Variants in MED12L observed in about 807,000 individuals in gnomAD.
MED12L encodes the protein mediator complex subunit 12L, also known as mediator of RNA polymerase II transcription subunit 12-like protein.
Under a neutral mutation model 281.3 loss-of-function variants are expected in MED12L, and 60 were observed. That is an observed-to-expected ratio of 0.21 (90% CI 0.17 to 0.26). The LOEUF (loss-of-function observed/expected upper bound fraction) is 0.26. Among genes scored for constraint, MED12L ranks in the 10% least tolerant of loss-of-function variants. The pLI, the probability that MED12L is intolerant of heterozygous loss-of-function variation, is 1.00. For missense variants in MED12L, 2,146 were observed against 2,680.9 expected, an observed-to-expected ratio of 0.80 and a Z score of 4.41; for synonymous variants, 974 against 987.2, an observed-to-expected ratio of 0.99 and a Z score of 0.25.
chr3:151,244,088 C>T lies in MED12L; in HGVS notation c.2250+50422C>T, dbSNP rs542638887. 1.8e-5 allele frequency among the ~76,000 whole-genome samples: 2 copies of T among 113,082 alleles called. 1 individual carries two copies. Among genetic ancestry groups the T allele is most frequent in the Admixed American group, 1.9e-4 (2 of 10,488 alleles). The allele number at this position is 113,082 out of a possible 152,430, so 74.2% of individuals were successfully genotyped here. A position where few individuals can be genotyped will look rare whatever the true frequency, so the allele number is the denominator to read the frequency against. On this transcript the variant is annotated intron_variant, in intron 16 of 44. Transcript: ENST00000687756. ...CTAACTCTCCCAAATATATATGCAC[C>T]CAATACAGGAGCACCAAGATTCATA... is the stretch of plus-strand genomic sequence containing the variant.
intron 16 of MED12L, chr3:151,213,687 T>G (rs1288266989): frequency 6.2e-7 from 1 of 1,614,210 alleles, no homozygotes; most frequent in Admixed American, 1.7e-5. Context: ...AGATTTTCTT[T>G]GTGATAGCAG....
At chr3:151,240,636 A>G (rs1733889068) in intron 16 of MED12L, among the ~76,000 whole-genome samples, 1 of 152,232 alleles carries the variant, frequency 6.6e-6, no homozygotes, top group African/African-American at 2.4e-5. Context: ...TTTATCTACC[A>G]TGCAAGATTG....
intron 21 of MED12L, among the ~76,000 whole-genome samples, chr3:151,360,823 GT>G (rs1012258696): frequency 6.6e-6 from 1 of 151,786 alleles, no homozygotes; most frequent in Non-Finnish European, 1.5e-5. Context: ...GTGATCATAG[GT>G]TTTTTTTCCC....
chr3:151,193,350 T>G, intron 15 of MED12L, 140 bp from the exon 16 acceptor site: 1 of 610,116 alleles, frequency 1.6e-6, no homozygotes, highest in East Asian at 2.8e-5. Flanking sequence ...ATTAACACAA[T>G]TTCTTCATAT....
At chr3:151,415,153 C>T (rs563406124) in intron 42 of MED12L, among the ~76,000 whole-genome samples, 15 of 152,136 alleles carry the variant, frequency 9.9e-5, no homozygotes, top group South Asian at 4.1e-4. Flanking sequence ...GCTGCAAATA[C>T]GGAAAGCCTT....
intron 43 of MED12L, among the ~76,000 whole-genome samples, chr3:151,428,563 G>C (rs1250364889): frequency 6.6e-6 from 1 of 152,160 alleles, no homozygotes; most frequent in Non-Finnish European, 1.5e-5. Flanking sequence ...GTGCCTGGCA[G>C]TACCGGATAT....
At chr3:151,178,370 T>A (rs1722332531) in intron 11 of MED12L, among the ~76,000 whole-genome samples, 1 of 151,086 alleles carries the variant, frequency 6.6e-6, no homozygotes, top group Non-Finnish European at 1.5e-5. Context: ...AAAGCTGTGT[T>A]GTGAAATGTG....
intron 16 of MED12L, among the ~76,000 whole-genome samples, chr3:151,246,414 A>C (rs1735485517): frequency 6.6e-6 from 1 of 152,064 alleles, no homozygotes; most frequent in South Asian, 2.1e-4. Flanking sequence ...TACTGGTACC[A>C]AAACAGAGAT....
At chr3:151,180,845 A>G (rs1722615917) in intron 11 of MED12L, among the ~76,000 whole-genome samples, 1 of 152,186 alleles carries the variant, frequency 6.6e-6, no homozygotes, top group Admixed American at 6.5e-5. Context: ...CCTTCAGTGC[A>G]CAGTATACAC....
intron 16 of MED12L, chr3:151,295,141 G>C: frequency 1.2e-6 from 2 of 1,613,388 alleles, no homozygotes; most frequent in South Asian, 1.1e-5. Context: ...CATTGTGAAG[G>C]GTGGTGTTCT....
intron 44 of MED12L, 170 bp from the exon 45 acceptor site, chr3:151,432,582 G>A (rs570378514): frequency 8.2e-5 from 45 of 547,038 alleles, no homozygotes; most frequent in Non-Finnish European, 1.3e-4. Context: ...CCTCTGCAGG[G>A]TGGTACTTGA....
At chr3:151,408,540 A>T (rs1223945576) in intron 39 of MED12L, among the ~76,000 whole-genome samples, 3 of 152,198 alleles carry the variant, frequency 2.0e-5, no homozygotes, top group Non-Finnish European at 2.9e-5. Flanking sequence ...GCAAGCTTCC[A>T]TGAAGTAACT....
chr3:151,145,083 G>T (rs892356972), intron 5 of MED12L, among the ~76,000 whole-genome samples: 6 of 152,076 alleles, frequency 3.9e-5, no homozygotes, highest in African/African-American at 1.2e-4. Flanking sequence ...TTCTGTATAG[G>T]CTAAGAACAC....
At chr3:151,086,711 A>T in intron 1 of MED12L, 87 bp from the exon 2 acceptor site, 2 of 418,902 alleles carry the variant, frequency 4.8e-6, no homozygotes, top group Non-Finnish European at 8.6e-6. Context: ...AGCGCAGCCG[A>T]GTACCCGCCG....
chr3:151,168,470 A>G (rs944039855), intron 11 of MED12L, among the ~76,000 whole-genome samples: 2 of 152,300 alleles, frequency 1.3e-5, no homozygotes, highest in African/African-American at 4.8e-5. Context: ...GCGTGCCACC[A>G]GAGGGCGACA....
chr3:151,368,595 A>AT (rs1392019802), intron 25 of MED12L, among the ~76,000 whole-genome samples: 29 of 51,322 alleles, frequency 5.7e-4, no homozygotes, highest in Non-Finnish European at 9.3e-4. Flanking sequence ...GATTTATTTT[A>AT]TTTTATTTTA....
chr3:151,415,588 A>G (rs1037549999), intron 42 of MED12L, among the ~76,000 whole-genome samples: 4 of 152,270 alleles, frequency 2.6e-5, no homozygotes, highest in African/African-American at 9.6e-5. Context: ...GAAAAGTACA[A>G]AAGATGAAGA....
intron 6 of MED12L, among the ~76,000 whole-genome samples, chr3:151,157,999 A>G (rs922732940): frequency 1.3e-5 from 2 of 152,240 alleles, no homozygotes; most frequent in Non-Finnish European, 2.9e-5. Context: ...CTATGTGTAT[A>G]TGCATATGAA....
intron 2 of MED12L, among the ~76,000 whole-genome samples, chr3:151,094,897 C>T (rs1720513271): frequency 6.6e-6 from 1 of 152,142 alleles, no homozygotes; most frequent in African/African-American, 2.4e-5. Context: ...TCAAGCCAAC[C>T]TAGAGCCCCT....
Sources: allele counts gnomAD v4.1 joint callset (sites outside exome capture counted in the v4.1 genomes callset), GRCh38; gene constraint gnomAD v4.1.1; transcripts MANE v1.5; gene names NCBI Gene and HGNC (gene_info 2026-07-23, HGNC 2026-07-21).